The following NUFIP1 variants were observed in gnomAD, a reference collection of about 807,000 sequenced individuals.
NUFIP1 encodes the protein nuclear FMR1 interacting protein 1, also known as FMR1-interacting protein NUFIP1.
A neutral mutation model predicts 56.2 loss-of-function variants in NUFIP1; 38 were observed. The ratio of observed to expected loss-of-function variants is 0.68; its 90% CI spans 0.52 to 0.89. NUFIP1 has a LOEUF of 0.89. NUFIP1 is among the 40% of genes least tolerant of loss of function. NUFIP1 has a pLI of 0.00. For missense variants in NUFIP1, 567 were observed against 605.8 expected, an observed-to-expected ratio of 0.94 and a Z score of 0.67; for synonymous variants, 215 against 212.4, an observed-to-expected ratio of 1.01 and a Z score of -0.10.
rs1870673441 is a variant in NUFIP1 at position 44,939,947 on chromosome 13, A to G, written c.*1259T>C. ...AACTGTGTTATATTTTAGAATATCA[A>G]CTCAGTTGTAACACTAGTTACTTCA... On this transcript the variant is annotated 3_prime_UTR_variant, in exon 10 of 10. Transcript: ENST00000379161. The G allele has an allele frequency of 6.6e-6, 1 of 152,114 alleles. No homozygotes were observed. The highest frequency in any genetic ancestry group is 2.1e-4 in the South Asian group (1 of 4,820). 9.4% of individuals were successfully genotyped at this position (152,114 alleles called of 1,614,324 possible). A position where few individuals can be genotyped will look rare whatever the true frequency, so the allele number is the denominator to read the frequency against.
Position 44,941,251 on chromosome 13 carries a change from G to C in NUFIP1, c.1443C>G (p.Asp481Glu), listed in dbSNP as rs1870723812. 1 of 1,611,610 alleles carries C rather than the reference G, an allele frequency of 6.2e-7. No homozygotes were observed. Among genetic ancestry groups the C allele is most frequent in the Non-Finnish European group, 8.5e-7 (1 of 1,179,092 alleles). Reference sequence around the variant, plus strand: ...CAGAATTAGTATCCAGTCCAAAAAAGTCTTTTTTGATGATGTACCGAACAC... The same window carrying C: ...CAGAATTAGTATCCAGTCCAAAAAACTCTTTTTTGATGATGTACCGAACAC... Reference protein sequence around the residue: ...LQCVRYIIKKDFFGLDTNSAK... With the variant: ...LQCVRYIIKKEFFGLDTNSAK... The change falls in exon 10 of 10, where the codon GAC becomes GAG. Residue 481 changes from aspartate to glutamate, a missense_variant. Coordinates refer to ENST00000379161, the MANE Select transcript of NUFIP1 (RefSeq NM_012345.3).
intron 5 of NUFIP1, among the ~76,000 whole-genome samples, chr13:44,976,617 CT>C (rs1379035311): frequency 9.2e-4 from 140 of 152,232 alleles, no homozygotes; most frequent in African/African-American, 3.2e-3. Flanking sequence ...AAGAAGCTAC[CT>C]ACAGAAGCCA....
intron 5 of NUFIP1, among the ~76,000 whole-genome samples, chr13:44,972,701 C>T (rs540807489): frequency 5.2e-4 from 79 of 152,246 alleles, no homozygotes; most frequent in African/African-American, 1.8e-3. Context: ...AACAAATAGA[C>T]GGCCCTCCCC....
At position 44,941,305 on chromosome 13, in the gene NUFIP1, A is replaced by C; in HGVS notation, c.1389T>G (p.Ile463Met). The change falls in exon 10 of 10, where the codon ATT becomes ATG. Residue 463 changes from isoleucine (I) to methionine (M), a missense_variant. Ile to Met is a conservative substitution (Grantham distance 10). Transcript: ENST00000379161. ...YLLEMLLAPD[I>M]RHERNVILQC... ...GCAAAATCACATTTCTTTCATGTCG[A>C]ATGTCCGGAGCTAGAAGCTAAAACA... The C allele has an allele frequency of 1.9e-6, 3 of 1,608,652 alleles. No homozygotes were observed. Among genetic ancestry groups the C allele is most frequent in the Non-Finnish European group, 2.5e-6 (3 of 1,177,952 alleles).
chr13:44,978,159 A>G (rs1265419131), intron 5 of NUFIP1, among the ~76,000 whole-genome samples: 1 of 152,190 alleles, frequency 6.6e-6, no homozygotes, highest in East Asian at 1.9e-4. Context: ...TCAGTTCTGA[A>G]TCTTCGTGCT....
At position 44,965,897 on chromosome 13, in the gene NUFIP1, CT is replaced by C; in HGVS notation, c.773del (p.Lys258SerfsTer2). 6.8e-7 allele frequency: 1 copy of C among 1,468,654 alleles called. No homozygotes were observed. Among genetic ancestry groups the C allele is most frequent in the Non-Finnish European group, 9.4e-7 (1 of 1,060,616 alleles). The allele number at this position is 1,468,654 out of a possible 1,614,324, so 91.0% of individuals were successfully genotyped here. A position where few individuals can be genotyped will look rare whatever the true frequency, so the allele number is the denominator to read the frequency against. On this transcript the variant is annotated frameshift_variant, in exon 6 of 10. Coordinates refer to ENST00000379161, the MANE Select transcript of NUFIP1 (RefSeq NM_012345.3). LOFTEE classifies it high-confidence loss of function. Reference protein sequence around the residue: ...PTLANIERKKKLKLEKEKRGA... With the variant: ...PTLANIERKKXLKLEKEKRGA... ...CTCTCTTCTCCTTTTCAAGTTTTAA[CT>C]TCTTCTTCCTTTCAATATTGGCCAG...
At chr13:44,985,163 C>T (rs1011223131) in intron 1 of NUFIP1, among the ~76,000 whole-genome samples, 1 of 152,182 alleles carries the variant, frequency 6.6e-6, no homozygotes, top group Non-Finnish European at 1.5e-5. Context: ...TAGCTCCAGC[C>T]ACAAATCTCC....
intron 5 of NUFIP1, among the ~76,000 whole-genome samples, chr13:44,973,965 T>C (rs1871887377): frequency 6.6e-6 from 1 of 152,238 alleles, no homozygotes; most frequent in South Asian, 2.1e-4. Context: ...GCCCACATTA[T>C]AGGATTCTGG....
At chr13:44,980,572 G>A (rs1053099887) in intron 3 of NUFIP1, 150 bp downstream of exon 3, 1 of 623,142 alleles carries the variant, frequency 1.6e-6, no homozygotes, top group African/African-American at 1.9e-5. Flanking sequence ...TCAAACCCCA[G>A]GGTCACTGCC....
Position 44,959,424 on chromosome 13 carries a change from C to A in NUFIP1, c.978G>T (p.Glu326Asp). Residue 326 changes from glutamate to aspartate, a missense_variant, in exon 7 of 10, where the codon GAG becomes GAT. Coordinates refer to ENST00000379161, the MANE Select transcript of NUFIP1 (RefSeq NM_012345.3). ...LCDLKLEGPP[E>D]ANADPLGVLI... Reference sequence around the variant, plus strand: ...AAACACCAAGAGGATCTGCATTTGCCTCCGGTGGACCTTCTAGCTTCAAAT... The same window carrying A: ...AAACACCAAGAGGATCTGCATTTGCATCCGGTGGACCTTCTAGCTTCAAAT... 6.2e-7 allele frequency: 1 copy of A among 1,613,962 alleles called. No individual in the cohort carries two copies. Among genetic ancestry groups the A allele is most frequent in the Non-Finnish European group, 8.5e-7 (1 of 1,180,000 alleles).
At chr13:44,976,763 T>G (rs1258801030) in intron 5 of NUFIP1, among the ~76,000 whole-genome samples, 1 of 152,170 alleles carries the variant, frequency 6.6e-6, no homozygotes, top group Admixed American at 6.5e-5. Context: ...TTCTTACAGT[T>G]TTGGTGGCTG....
intron 5 of NUFIP1, among the ~76,000 whole-genome samples, chr13:44,967,880 C>A (rs1871665617): frequency 6.6e-6 from 1 of 152,178 alleles, no homozygotes; most frequent in Admixed American, 6.5e-5. Flanking sequence ...CCCCGTCTGG[C>A]TGCTGATCAG....
intron 5 of NUFIP1, among the ~76,000 whole-genome samples, chr13:44,971,731 G>A (rs753324357): frequency 1.3e-5 from 2 of 152,130 alleles, no homozygotes; most frequent in Admixed American, 6.5e-5. Flanking sequence ...GTGAAAAGGG[G>A]GGAAACTAGG....
At chr13:44,942,898 C>T (rs971494552) in intron 9 of NUFIP1, among the ~76,000 whole-genome samples, 16 of 149,998 alleles carry the variant, frequency 1.1e-4, no homozygotes, top group Non-Finnish European at 1.8e-4. Context: ...CCCAGGAATT[C>T]GAGGCCACAG....
chr13:44,948,183 C>A (rs1050008525), intron 8 of NUFIP1, among the ~76,000 whole-genome samples: 1 of 144,952 alleles, frequency 6.9e-6, no homozygotes, highest in Non-Finnish European at 1.5e-5. Flanking sequence ...CTCACTGTCA[C>A]CCGGGCTGGA....
intron 9 of NUFIP1, among the ~76,000 whole-genome samples, chr13:44,942,556 A>C (rs1184342281): frequency 6.6e-6 from 1 of 152,232 alleles, no homozygotes; most frequent in Non-Finnish European, 1.5e-5. Flanking sequence ...ATAAGTACTT[A>C]ACTTGTAAGT....
intron 8 of NUFIP1, among the ~76,000 whole-genome samples, chr13:44,945,192 A>G (rs1870867890): frequency 6.6e-6 from 1 of 152,026 alleles, no homozygotes. Context: ...AGAGGAGGAC[A>G]TCATTATAGA....
At chr13:44,961,096 T>A (rs1245354664) in intron 6 of NUFIP1, among the ~76,000 whole-genome samples, 1 of 150,088 alleles carries the variant, frequency 6.7e-6, no homozygotes, top group Non-Finnish European at 1.5e-5. Flanking sequence ...TATGTGAGCA[T>A]CTTCTAATTT....
In NUFIP1 at chr13:44,982,123, A is replaced by C. The variant is rs1194159343; in HGVS notation, c.444T>G (p.Asp148Glu). The part of the protein sequence containing the change: ...VKNSYYPRKY[D>E]AKFTDFSLPP... ...GTAAGCTGAAGTCTGTGAATTTTGC[A>C]TCATACTTTCGTGGATAATAAGAAT... The change falls in exon 2 of 10, where the codon GAT becomes GAG. Residue 148 changes from aspartate to glutamate, a missense_variant. Coordinates refer to ENST00000379161, the MANE Select transcript of NUFIP1 (RefSeq NM_012345.3). The C allele has an allele frequency of 1.3e-6, 2 of 1,505,880 alleles. No homozygotes were observed. Among genetic ancestry groups the C allele is most frequent in the African/African-American group, 1.4e-5 (1 of 71,058 alleles). 93.3% of individuals were successfully genotyped at this position (1,505,880 alleles called of 1,614,324 possible).
Sources: allele counts gnomAD v4.1 joint callset (sites outside exome capture counted in the v4.1 genomes callset), GRCh38; gene constraint gnomAD v4.1.1; transcripts MANE v1.5; gene names NCBI Gene and HGNC (gene_info 2026-07-23, HGNC 2026-07-21).